Variants in POLR3E observed in about 807,000 individuals in gnomAD.
POLR3E encodes DNA-directed RNA polymerase III subunit RPC5.
In POLR3E, 41 loss-of-function variants were observed where a neutral mutation model predicts 96.6. That is an observed-to-expected ratio of 0.42 (90% CI 0.33 to 0.55). The LOEUF is 0.55. Among genes scored for constraint, POLR3E ranks in the 20% least tolerant of loss-of-function variants. The pLI is 0.06. For missense variants in POLR3E, 849 were observed against 952.1 expected (o/e 0.89, Z 1.43); for synonymous variants, 396 against 383.6 (o/e 1.03, Z -0.38).
chr16:22,321,687 CAGCCCTG>C (rs2048474226), intron 13 of POLR3E, among the ~76,000 whole-genome samples: 3 of 152,250 alleles, frequency 2.0e-5, no homozygotes, highest in African/African-American at 7.2e-5. Flanking sequence ...CCTCATGGCT[CAGCCCTG>C]GGCTCTGCAC....
chr16:22,321,729 G>A (rs187008242), intron 13 of POLR3E, among the ~76,000 whole-genome samples: 1 of 152,326 alleles, frequency 6.6e-6, no homozygotes, highest in African/African-American at 2.4e-5. Flanking sequence ...GTCCCCTGGA[G>A]GTGCTGCCCC....
intron 17 of POLR3E, 21 bp downstream of exon 17, chr16:22,325,287 T>C (rs1259860574): frequency 3.1e-6 from 5 of 1,599,958 alleles, no homozygotes; most frequent in Admixed American, 1.7e-5. Flanking sequence ...GGCTTTGGGC[T>C]GGGAGGCCCC....
In POLR3E at chr16:22,325,279, CT is replaced by C. The variant is rs762059037; in HGVS notation, c.1348+16del. The C allele has an allele frequency of 3.1e-6, 5 of 1,609,918 alleles. No individual in the cohort carries two copies. The East Asian group carries it at 1.1e-4, about 36-fold the overall frequency. On this transcript the variant is annotated intron_variant, in intron 17 of 20. Transcript: ENST00000299853. ...GATGCACAATCAGGTGTGTGAGGGG[CT>C]TTGGGCTGGGAGGCCCCGGCTCCTA... is the stretch of plus-strand genomic sequence containing the variant.
chr16:22,303,639 C>CT (rs58949663), intron 2 of POLR3E, among the ~76,000 whole-genome samples: 1,232 of 114,226 alleles, frequency 0.011, 21 homozygotes, highest in South Asian at 0.015. Context: ...GCAGATTTCC[C>CT]TTTTTTTTTT....
chr16:22,318,780 G>A lies in POLR3E; in HGVS notation c.866-46G>A, dbSNP rs1191358610. Reference sequence around the variant, plus strand: ...GGACTCTCGGTGGAGGGGAGGGAAGGGCCCGGCCCCTCTTCCTTGTCTGAT... The same window carrying A: ...GGACTCTCGGTGGAGGGGAGGGAAGAGCCCGGCCCCTCTTCCTTGTCTGAT... On this transcript the variant is annotated intron_variant, in intron 12 of 20. Transcript: ENST00000299853. The surrounding 1 kb of genome is among the most constrained non-coding windows in gnomAD (Gnocchi z 5.0). The A allele has an allele frequency of 2.5e-6, 4 of 1,583,818 alleles. No homozygotes were observed. Among genetic ancestry groups the A allele is most frequent in the Non-Finnish European group, 3.4e-6 (4 of 1,161,794 alleles).
At chr16:22,320,449 G>A (rs1448022218) in intron 13 of POLR3E, among the ~76,000 whole-genome samples, 1 of 151,932 alleles carries the variant, frequency 6.6e-6, no homozygotes, top group African/African-American at 2.4e-5. Context: ...TTTAGAAGAG[G>A]CAGGGTTTTG....
In POLR3E at chr16:22,321,412, C is replaced by T. The variant is rs189734933; in HGVS notation, c.987-1438C>T. Among the ~76,000 whole-genome samples, 71 of 152,344 alleles carry T rather than the reference C, an allele frequency of 4.7e-4. No homozygotes were observed. The East Asian group carries it at 0.01, about 22-fold the overall frequency. On this transcript the variant is annotated intron_variant, in intron 13 of 20. Coordinates refer to ENST00000299853, the MANE Select transcript of POLR3E (RefSeq NM_018119.4). ...TATTCGTGTTACTGCCACCTGGTGG[C>T]GCCCTTGCACTGCTCCACAGGTGCC...
In POLR3E at chr16:22,324,423, G is replaced by A. The variant is rs187099292; in HGVS notation, c.1128+10G>A. The A allele has an allele frequency of 1.4e-3, 2,305 of 1,612,072 alleles. 56 individuals are homozygous for A. The South Asian group carries it at 0.02, about 14-fold the overall frequency. ...GGCAACCGTGACCAAAGTAAGTGGC[G>A]TTTTTGTGGTCTGAGGCCCAGGCTG... On this transcript the variant is annotated intron_variant, in intron 15 of 20. Coordinates refer to ENST00000299853, the MANE Select transcript of POLR3E (RefSeq NM_018119.4).
At chr16:22,308,628 A>C (rs542367019) in intron 4 of POLR3E, 2 of 464,516 alleles carry the variant, frequency 4.3e-6, no homozygotes, top group African/African-American at 3.9e-5. Context: ...GTGGGAAATA[A>C]GGATTTTTAT....
At chr16:22,323,378 T>C (rs1441652213) in intron 14 of POLR3E, among the ~76,000 whole-genome samples, 1 of 152,082 alleles carries the variant, frequency 6.6e-6, no homozygotes, top group East Asian at 1.9e-4. Flanking sequence ...TGCCTGTCCC[T>C]GGAGTTTGGG....
intron 17 of POLR3E, 31 bp downstream of exon 17, chr16:22,325,297 C>A: frequency 6.4e-7 from 1 of 1,570,402 alleles, no homozygotes; most frequent in Non-Finnish European, 8.8e-7. Context: ...TGGGAGGCCC[C>A]GGCTCCTACA....
intron 8 of POLR3E, among the ~76,000 whole-genome samples, chr16:22,314,751 T>G (rs2048319234): frequency 6.6e-6 from 1 of 152,132 alleles, no homozygotes; most frequent in Admixed American, 6.6e-5. Flanking sequence ...CGTAGCTTAT[T>G]AGGACCTTAG....
At chr16:22,299,811 C>T (rs2047983624) in intron 1 of POLR3E, among the ~76,000 whole-genome samples, 1 of 152,118 alleles carries the variant, frequency 6.6e-6, no homozygotes, top group African/African-American at 2.4e-5. Context: ...CTCCTGGGTT[C>T]AACCAATCCT....
intron 3 of POLR3E, among the ~76,000 whole-genome samples, chr16:22,306,099 C>A (rs1340266642): frequency 1.3e-5 from 2 of 152,264 alleles, no homozygotes; most frequent in Admixed American, 1.3e-4. Flanking sequence ...AACCATTCCC[C>A]TTATTTTCTG....
rs2048582485 is a variant in POLR3E at position 22,326,056 on chromosome 16, C to T, written c.1644C>T (p.His548=). 6.2e-7 allele frequency: 1 copy of T among 1,607,734 alleles called. No individual in the cohort carries two copies. Among genetic ancestry groups the T allele is most frequent in the East Asian group, 2.2e-5 (1 of 44,762 alleles). The change falls in exon 18 of 21, where the codon CAC becomes CAT. Residue 548 remains histidine, a synonymous_variant. Transcript: ENST00000299853. The part of the protein sequence containing the change: ...RAAGTDSFNG[H]PPQGCASTPV... ...CGGGCACAGACAGCTTCAACGGGCA[C>T]CCGCCCCAGGGCTGCGCCAGCACCC...
rs1002993567 is a variant in POLR3E at position 22,318,352 on chromosome 16, C to T, written c.866-474C>T. Among the ~76,000 whole-genome samples, 3 of 152,170 alleles carry T rather than the reference C, an allele frequency of 2.0e-5. No homozygotes were observed. Among genetic ancestry groups the T allele is most frequent in the African/African-American group, 7.2e-5 (3 of 41,440 alleles). On this transcript the variant is annotated intron_variant, in intron 12 of 20. Coordinates refer to ENST00000299853, the MANE Select transcript of POLR3E (RefSeq NM_018119.4). The surrounding 1 kb of genome is among the most constrained non-coding windows in gnomAD (Gnocchi z 5.0). Reference sequence around the variant, plus strand: ...CAAGTGATCTGCCTCCCTCGGCCTCCCAAAGTGCTGTGATTACAGGTGTGA... The same window carrying T: ...CAAGTGATCTGCCTCCCTCGGCCTCTCAAAGTGCTGTGATTACAGGTGTGA...
intron 18 of POLR3E, chr16:22,328,091 C>T (rs1190923671): frequency 2.8e-5 from 5 of 177,190 alleles, no homozygotes; most frequent in East Asian, 1.6e-4. Flanking sequence ...CCCCAGGGTA[C>T]CCCAAGAGTT....
rs1342800448 is a variant in POLR3E, at chr16:22,334,448, T to TG, written c.*750dup. The TG allele has an allele frequency of 6.6e-6, 1 of 152,246 alleles. No individual in the cohort carries two copies. Among genetic ancestry groups the TG allele is most frequent in the Non-Finnish European group, 1.5e-5 (1 of 68,048 alleles). 9.4% of individuals were successfully genotyped at this position (152,246 alleles called of 1,614,324 possible). On this transcript the variant is annotated 3_prime_UTR_variant, in exon 21 of 21. Coordinates refer to ENST00000299853, the MANE Select transcript of POLR3E (RefSeq NM_018119.4). ...AAATGCAAACACTAAACTAGCATCA[T>TG]GGTGCTATCTTCAAATGGTTACAGG... is the stretch of plus-strand genomic sequence containing the variant.
At chr16:22,308,122 C>T in intron 3 of POLR3E, 26 bp from the exon 4 acceptor site, 2 of 1,591,558 alleles carry the variant, frequency 1.3e-6, no homozygotes, top group Non-Finnish European at 1.7e-6. Context: ...GCAGAGTGGA[C>T]TTAATGGCTC....
Sources: gnomAD v4.1 joint callset for allele counts (sites outside exome capture counted in the v4.1 genomes callset) on GRCh38, gnomAD v4.1.1 for gene constraint, Gnocchi (gnomAD v3.1) non-coding constraint, MANE v1.5 for transcripts, NCBI Gene and HGNC (gene_info 2026-07-23, HGNC 2026-07-21) for gene names.